Variants in YWHAH observed in about 807,000 individuals in gnomAD.
YWHAH encodes 14-3-3 protein eta.
In YWHAH, 6 loss-of-function variants were observed where a neutral mutation model predicts 22.9. The ratio of observed to expected loss-of-function variants is 0.26; its 90% CI spans 0.14 to 0.52. The LOEUF (loss-of-function observed/expected upper bound fraction) is 0.52, where lower values mean the gene tolerates loss of function less well. YWHAH is among the 20% of genes least tolerant of loss of function. The pLI, the probability that YWHAH is intolerant of heterozygous loss-of-function variation, is 0.97. For missense variants in YWHAH, 173 were observed against 308.6 expected, an observed-to-expected ratio of 0.56 and a Z score of 3.29; for synonymous variants, 135 against 124.5, an observed-to-expected ratio of 1.08 and a Z score of -0.56.
At chr22:31,954,486 A>G (rs958783340) in intron 1 of YWHAH, among the ~76,000 whole-genome samples, 1 of 152,158 alleles carries the variant, frequency 6.6e-6, no homozygotes, top group African/African-American at 2.4e-5. Context: ...CTTGTTAGGA[A>G]ACTCTGTTAG....
At chr22:31,950,668 G>T (rs1394766176) in intron 1 of YWHAH, among the ~76,000 whole-genome samples, 1 of 152,138 alleles carries the variant, frequency 6.6e-6, no homozygotes, top group Admixed American at 6.5e-5. Context: ...ACCCGAACTT[G>T]CCTGCTCTGA....
At chr22:31,945,342 C>A in intron 1 of YWHAH, 1 of 1,245,040 alleles carries the variant, frequency 8.0e-7, no homozygotes, top group Non-Finnish European at 1.0e-6. Context: ...CATCTTCCCA[C>A]GCCTGGGGGT....
At chr22:31,951,705 A>C (rs2093843521) in intron 1 of YWHAH, among the ~76,000 whole-genome samples, 1 of 152,166 alleles carries the variant, frequency 6.6e-6, no homozygotes, top group South Asian at 2.1e-4. Flanking sequence ...CATTTTTGAC[A>C]TTTAGTAATG....
Position 31,956,577 on chromosome 22 carries a change from G to GCC in YWHAH, c.528_529dup (p.Leu177ProfsTer21). ...CACGCATCCCATCCGGCTGGGCCTG[G>GCC]CCCTCAACTTCTCCGTGTTCTACTA... On this transcript the variant is annotated frameshift_variant, in exon 2 of 2. Transcript: ENST00000248975. LOFTEE classifies it high-confidence loss of function. This position sits in a 1 kb window ranked among gnomAD's most constrained non-coding sequence, Gnocchi z 5.1. 6.2e-7 allele frequency: 1 copy of GCC among 1,614,134 alleles called. No homozygotes were observed. Among genetic ancestry groups the GCC allele is most frequent in the Non-Finnish European group, 8.5e-7 (1 of 1,180,024 alleles).
chr22:31,944,917 C>A, intron 1 of YWHAH, 97 bp downstream of exon 1: 1 of 1,135,184 alleles, frequency 8.8e-7, no homozygotes, highest in East Asian at 4.2e-5. Context: ...CGGCCATGGG[C>A]GACCCGGCGA....
intron 1 of YWHAH, among the ~76,000 whole-genome samples, chr22:31,951,289 G>T (rs1028812473): frequency 2.0e-5 from 3 of 152,100 alleles, no homozygotes; most frequent in Non-Finnish European, 4.4e-5. Context: ...TTATGATGTG[G>T]TTATGTTTAC....
intron 1 of YWHAH, 34 bp downstream of exon 1, chr22:31,944,854 G>A: frequency 2.3e-6 from 3 of 1,325,356 alleles, no homozygotes; most frequent in Non-Finnish European, 2.9e-6. Flanking sequence ...GGCTGGCCGG[G>A]GGGGGCCTGG....
In YWHAH at chr22:31,955,720, G is replaced by A. The variant is rs145922847; in HGVS notation, c.88-419G>A. 8.9e-3 allele frequency among the ~76,000 whole-genome samples: 1,353 copies of A among 152,284 alleles called. 15 individuals carry two copies. Among genetic ancestry groups the A allele is most frequent in the African/African-American group, 0.03 (1,256 of 41,558 alleles). ...GCCTCCTGAAGTGCTGGGATTACAG[G>A]CATAAGCCATCGCGCCCGGCCTGTT... On this transcript the variant is annotated intron_variant, in intron 1 of 1. Transcript: ENST00000248975.
intron 1 of YWHAH, among the ~76,000 whole-genome samples, chr22:31,946,433 C>A (rs568637309): frequency 2.9e-4 from 44 of 152,334 alleles, no homozygotes; most frequent in African/African-American, 1.0e-3. Context: ...ACTTAAGCCC[C>A]TCCTCCCCAG....
chr22:31,953,226 AC>A (rs1447233404), intron 1 of YWHAH, among the ~76,000 whole-genome samples: 1 of 152,206 alleles, frequency 6.6e-6, no homozygotes, highest in African/African-American at 2.4e-5. Flanking sequence ...TAGTTTAATT[AC>A]TACAAGATGA....
chr22:31,945,488 C>G (rs750630889), intron 1 of YWHAH: 8 of 1,303,978 alleles, frequency 6.1e-6, no homozygotes, highest in Non-Finnish European at 1.0e-6. Context: ...TAAAATGAAA[C>G]GTGACTTCTA....
chr22:31,956,275 A>G lies in YWHAH; in HGVS notation c.224A>G (p.Asn75Ser), dbSNP rs769990372. Residue 75 changes from asparagine (N) to serine (S), a missense_variant, in exon 2 of 2, where the codon AAC becomes AGC. By Grantham distance (46) the Asn-to-Ser change is conservative. Transcript: ENST00000248975. This position sits in a 1 kb window ranked among gnomAD's most constrained non-coding sequence, Gnocchi z 5.1. ...GAGCAGAAAACCATGGCTGATGGAA[A>G]CGAAAAGAAATTGGAGAAAGTTAAA... ...SIEQKTMADG[N>S]EKKLEKVKAY... The G allele has an allele frequency of 6.2e-7, 1 of 1,614,198 alleles. No homozygotes were observed. Among genetic ancestry groups the G allele is most frequent in the Non-Finnish European group, 8.5e-7 (1 of 1,180,056 alleles).
chr22:31,946,312 T>C (rs952374345), intron 1 of YWHAH, among the ~76,000 whole-genome samples: 1 of 152,184 alleles, frequency 6.6e-6, no homozygotes, highest in Non-Finnish European at 1.5e-5. Context: ...AAATCTAAAA[T>C]ATAGTTTTGC....
In YWHAH at chr22:31,944,636, G is replaced by T; in HGVS notation, c.-98G>T. On this transcript the variant is annotated 5_prime_UTR_variant, in exon 1 of 2. Transcript: ENST00000248975. The stretch of plus-strand genomic sequence containing the variant: ...GGCCGGCGAGCCAGTGCGCGTGCGC[G>T]GCGGCGGCCTCCGCAGCGACCGGGG... 2.1e-6 allele frequency: 2 copies of T among 958,876 alleles called. No homozygotes were observed. Among genetic ancestry groups the T allele is most frequent in the South Asian group, 5.0e-5 (1 of 20,002 alleles). The allele number at this position is 958,876 out of a possible 1,614,324, so 59.4% of individuals were successfully genotyped here. A position where few individuals can be genotyped will look rare whatever the true frequency, so the allele number is the denominator to read the frequency against.
At chr22:31,954,857 A>G (rs960812417) in intron 1 of YWHAH, among the ~76,000 whole-genome samples, 1 of 152,104 alleles carries the variant, frequency 6.6e-6, no homozygotes, top group Non-Finnish European at 1.5e-5. Context: ...ATCTGCAAAG[A>G]CCCTATTTCC....
chr22:31,956,410 A>AG lies in YWHAH; in HGVS notation c.361dup (p.Val121GlyfsTer9). ...TGCAATGATTTCCAGTATGAGAGCA[A>AG]GGTGTTTTACCTGAAAATGAAGGGT... On this transcript the variant is annotated frameshift_variant, in exon 2 of 2. Transcript: ENST00000248975. LOFTEE classifies it high-confidence loss of function. The surrounding 1 kb of genome is among the most constrained non-coding windows in gnomAD (Gnocchi z 5.1). The AG allele has an allele frequency of 6.2e-7, 1 of 1,614,178 alleles. No individual in the cohort carries two copies. The highest frequency in any genetic ancestry group is 8.5e-7 in the Non-Finnish European group (1 of 1,180,038).
rs557406783 is a variant in YWHAH, at chr22:31,950,076, C to CTTTTTTTTTTT, written c.87+5284_87+5294dup. Among the ~76,000 whole-genome samples, 4 of 42,192 alleles carry CTTTTTTTTTTT rather than the reference C, an allele frequency of 9.5e-5. 1 individual carries two copies. Among genetic ancestry groups the CTTTTTTTTTTT allele is most frequent in the Non-Finnish European group, 2.0e-4 (4 of 20,410 alleles). The allele number at this position is 42,192 out of a possible 152,430, so 27.7% of individuals were successfully genotyped here. ...TTGCTTGTTCTGAAGGCTTGGAGGCCTTTTTTTTTTTTTTTTTTTTTTTTT... is the reference window on the plus strand; with the variant it reads ...TTGCTTGTTCTGAAGGCTTGGAGGCCTTTTTTTTTTTTTTTTTTTTTTTTTTTTTTTTTTTT... On this transcript the variant is annotated intron_variant, in intron 1 of 1. Coordinates refer to ENST00000248975, the MANE Select transcript of YWHAH (RefSeq NM_003405.4).
At chr22:31,948,632 A>G (rs1241692200) in intron 1 of YWHAH, among the ~76,000 whole-genome samples, 1 of 152,056 alleles carries the variant, frequency 6.6e-6, no homozygotes, top group Non-Finnish European at 1.5e-5. Context: ...GCCTCAGCCT[A>G]TTAAAGTGCT....
At chr22:31,945,576 G>A (rs1439253786) in intron 1 of YWHAH, 1 of 1,303,718 alleles carries the variant, frequency 7.7e-7, no homozygotes, top group Non-Finnish European at 1.0e-6. Flanking sequence ...TGGATGAGTC[G>A]TGCCCAGCCA....
Sources: gnomAD v4.1 joint callset for allele counts (sites outside exome capture counted in the v4.1 genomes callset) on GRCh38, gnomAD v4.1.1 for gene constraint, Gnocchi (gnomAD v3.1) non-coding constraint, MANE v1.5 for transcripts, NCBI Gene and HGNC (gene_info 2026-07-23, HGNC 2026-07-21) for gene names.